PCDH15: variants seen among roughly 807,000 people sequenced by gnomAD.
PCDH15 encodes protocadherin-15.
PCDH15 carries 129 observed loss-of-function variants against 178.5 expected under a neutral mutation model. The observed-to-expected ratio is 0.72, with a 90% CI of 0.63 to 0.84. The LOEUF (loss-of-function observed/expected upper bound fraction) is 0.84. Ranked by LOEUF, PCDH15 falls within the 40% of genes least tolerant of loss-of-function variation. The pLI is 0.00. For synonymous variants in PCDH15, 800 were observed against 732.0 expected (o/e 1.09, Z -1.50); for missense variants, 2,230 against 2,099.9 (o/e 1.06, Z -1.21).
intron 11 of PCDH15, among the ~76,000 whole-genome samples, chr10:54,191,404 A>G (rs1042497641): frequency 5.9e-5 from 9 of 152,208 alleles, no homozygotes; most frequent in Admixed American, 6.5e-5. Flanking sequence ...AGCCTGTGCA[A>G]CAGATGAAAG....
chr10:54,934,985 A>G (rs1189203533), intron 2 of PCDH15, among the ~76,000 whole-genome samples: 1 of 151,940 alleles, frequency 6.6e-6, no homozygotes, highest in Non-Finnish European at 1.5e-5. Flanking sequence ...AAGGACAAAA[A>G]AACCAAACAC....
intron 16 of PCDH15, among the ~76,000 whole-genome samples, chr10:54,082,688 A>C (rs2094452101): frequency 6.6e-6 from 1 of 152,064 alleles, no homozygotes; most frequent in South Asian, 2.1e-4. Context: ...GGATTTGGCC[A>C]TGGATTCTTA....
At chr10:54,281,637 C>A (rs1365000486) in intron 8 of PCDH15, among the ~76,000 whole-genome samples, 5 of 151,836 alleles carry the variant, frequency 3.3e-5, no homozygotes, top group Non-Finnish European at 7.4e-5. Flanking sequence ...GAAAAATTGA[C>A]CTTTTGTTTT....
At chr10:55,178,282 A>C (rs1044491816) in intron 1 of PCDH15, among the ~76,000 whole-genome samples, 3 of 152,126 alleles carry the variant, frequency 2.0e-5, no homozygotes, top group African/African-American at 7.2e-5. Flanking sequence ...TGAGAGTTCC[A>C]CAGATATCTG....
In PCDH15 at chr10:55,527,345, C is replaced by A. The variant is rs543248882; in HGVS notation, c.-156+100280G>T. Among the ~76,000 whole-genome samples the A allele has an allele frequency of 1.7e-3, 252 of 152,134 alleles. 4 individuals are homozygous for A. Among genetic ancestry groups the A allele is most frequent in the Non-Finnish European group, 3.2e-4 (22 of 67,984 alleles). On this transcript the variant is annotated intron_variant, in intron 2 of 5. Coordinates refer to the PCDH15 transcript ENST00000613346. ...AATTTGCTCCATGCCTCTTGCCTAC[C>A]TTCTGGTGGGTCACTGGTGATCTTG...
intron 2 of PCDH15, among the ~76,000 whole-genome samples, chr10:54,583,206 T>G (rs1487552938): frequency 6.6e-6 from 1 of 152,124 alleles, no homozygotes; most frequent in Non-Finnish European, 1.5e-5. Context: ...TACCCTTGAA[T>G]TTATACCCAA....
chr10:54,337,727 A>T (rs564044103), intron 6 of PCDH15, among the ~76,000 whole-genome samples: 3 of 152,266 alleles, frequency 2.0e-5, no homozygotes, highest in Non-Finnish European at 2.9e-5. Flanking sequence ...GAAATCAACC[A>T]ATCAGAGCTC....
At position 54,049,959 on chromosome 10, in the gene PCDH15, G is replaced by T. The variant is rs555159986; in HGVS notation, c.2220+16798C>A. Among the ~76,000 whole-genome samples the T allele has an allele frequency of 3.3e-5, 5 of 152,250 alleles. No homozygotes were observed. The East Asian group carries it at 9.7e-4, about 29-fold the overall frequency. ...ACTTTTTAGTATGCTGTGAAATTCA[G>T]TTAGGTAGTATTTTGTTGAAGATTT... On this transcript the variant is annotated intron_variant, in intron 18 of 37. Transcript: ENST00000644397.
At chr10:54,260,427 A>G (rs7096421) in intron 8 of PCDH15, among the ~76,000 whole-genome samples, 103,647 of 151,334 alleles carry the variant, frequency 0.68, 36,465 homozygotes, top group Middle Eastern at 0.76. Context: ...TTAATGCTTA[A>G]ATATGCCATC....
intron 3 of PCDH15, among the ~76,000 whole-genome samples, chr10:54,409,842 G>C (rs1307344474): frequency 6.6e-6 from 1 of 152,066 alleles, no homozygotes; most frequent in African/African-American, 2.4e-5. Context: ...GAGCTGACTT[G>C]GGTGCTCTTG....
chr10:55,333,077 A>G (rs1356972689), intron 2 of PCDH15, among the ~76,000 whole-genome samples: 1 of 152,154 alleles, frequency 6.6e-6, no homozygotes, highest in African/African-American at 2.4e-5. Flanking sequence ...ACATATAAAG[A>G]TAGAGTCAAC....
intron 18 of PCDH15, among the ~76,000 whole-genome samples, chr10:54,050,731 G>A (rs543871544): frequency 2.6e-5 from 4 of 152,012 alleles, no homozygotes; most frequent in African/African-American, 9.7e-5. Context: ...TCCTCTTAAT[G>A]CTACTTTTGC....
chr10:54,799,970 T>C (rs550829210), intron 1 of PCDH15, among the ~76,000 whole-genome samples: 6 of 152,284 alleles, frequency 3.9e-5, no homozygotes, highest in African/African-American at 1.4e-4. Context: ...TATTTGTTTC[T>C]CTAATGTTAA....
chr10:54,718,187 A>G (rs1196482587), intron 1 of PCDH15, among the ~76,000 whole-genome samples: 1 of 150,422 alleles, frequency 6.6e-6, no homozygotes, highest in East Asian at 1.9e-4. Flanking sequence ...GGTGCAGCGC[A>G]CCAGCATGTC....
intron 1 of PCDH15, among the ~76,000 whole-genome samples, chr10:54,737,898 A>G (rs1472586970): frequency 1.3e-5 from 2 of 152,038 alleles, no homozygotes; most frequent in African/African-American, 2.4e-5. Context: ...ATATCTATGC[A>G]ATATGTTAGA....
rs1251852710 is a variant in PCDH15 at position 54,185,053 on chromosome 10, C to T, written c.1440+81G>A. The T allele has an allele frequency of 5.9e-6, 9 of 1,525,764 alleles. No individual in the cohort carries two copies. The African/African-American group carries it at 6.9e-5, about 12-fold the overall frequency. 94.5% of individuals were successfully genotyped at this position (1,525,764 alleles called of 1,614,324 possible). ...AGTCATTGATTTTTTCAGTTTTAACCAGACATCTCTTTCAGTTCCATACAA... is the reference window on the plus strand; with the variant it reads ...AGTCATTGATTTTTTCAGTTTTAACTAGACATCTCTTTCAGTTCCATACAA... On this transcript the variant is annotated intron_variant, in intron 12 of 37. Coordinates refer to ENST00000644397, the MANE Select transcript of PCDH15 (RefSeq NM_001384140.1).
At chr10:54,278,855 T>C (rs542653771) in intron 8 of PCDH15, among the ~76,000 whole-genome samples, 1 of 151,758 alleles carries the variant, frequency 6.6e-6, no homozygotes, top group East Asian at 1.9e-4. Flanking sequence ...CCAAGATCTC[T>C]TTTGTACTTT....
At chr10:53,898,569 T>C (rs2133595583) in intron 26 of PCDH15, among the ~76,000 whole-genome samples, 1 of 152,316 alleles carries the variant, frequency 6.6e-6, no homozygotes, top group East Asian at 1.9e-4. Context: ...TCTTCTCAGA[T>C]AACTTTTTGT....
At chr10:54,925,230 C>T (rs888115450) in intron 2 of PCDH15, among the ~76,000 whole-genome samples, 1 of 152,046 alleles carries the variant, frequency 6.6e-6, no homozygotes, top group Non-Finnish European at 1.5e-5. Context: ...CTTTTGTTGA[C>T]TTTGCTGAAG....
Sources: gnomAD v4.1 joint callset for allele counts (sites outside exome capture counted in the v4.1 genomes callset) on GRCh38, gnomAD v4.1.1 for gene constraint, MANE v1.5 for transcripts, NCBI Gene and HGNC (gene_info 2026-07-23, HGNC 2026-07-21) for gene names.